The following ASH1L variants were observed in gnomAD, a reference collection of about 807,000 sequenced individuals.
The protein encoded by ASH1L is ASH1 like histone lysine methyltransferase.
In ASH1L, 23 loss-of-function variants were observed where a neutral mutation model predicts 269.0. The ratio of observed to expected loss-of-function variants is 0.09; its 90% CI spans 0.06 to 0.12. ASH1L has a LOEUF of 0.12. Among genes scored for constraint, ASH1L ranks in the 10% least tolerant of loss-of-function variants. The pLI is 1.00. For missense variants in ASH1L, 2,912 were observed against 3,567.8 expected (o/e 0.82, Z 4.68); for synonymous variants, 1,187 against 1,253.5 (o/e 0.95, Z 1.12).
At chr1:155,414,331 A>T (rs1263932086) in intron 6 of ASH1L, among the ~76,000 whole-genome samples, 1 of 151,600 alleles carries the variant, frequency 6.6e-6, no homozygotes, top group Non-Finnish European at 1.5e-5. Flanking sequence ...TTTTTTTGAG[A>T]TGGAGTTTCG....
chr1:155,400,329 CAAA>C (rs746649436), intron 6 of ASH1L, among the ~76,000 whole-genome samples: 1 of 105,182 alleles, frequency 9.5e-6, no homozygotes. Context: ...GAGACTGTCT[CAAA>C]AAAAAAAAAA....
intron 4 of ASH1L, among the ~76,000 whole-genome samples, chr1:155,442,257 C>T (rs1376287973): frequency 6.6e-6 from 1 of 151,934 alleles, no homozygotes; most frequent in Non-Finnish European, 1.5e-5. Flanking sequence ...CATCCTCCAA[C>T]TCATTCTTTA....
intron 5 of ASH1L, among the ~76,000 whole-genome samples, chr1:155,419,011 G>C (rs906864928): frequency 6.6e-6 from 1 of 152,070 alleles, no homozygotes; most frequent in Non-Finnish European, 1.5e-5. Flanking sequence ...CTTGCAGTGA[G>C]CTGAGATCGC....
At chr1:155,374,597 T>C (rs1222636097) in intron 10 of ASH1L, among the ~76,000 whole-genome samples, 1 of 152,198 alleles carries the variant, frequency 6.6e-6, no homozygotes, top group Non-Finnish European at 1.5e-5. Context: ...GCTGACTTCT[T>C]TGGTACATGA....
intron 25 of ASH1L, among the ~76,000 whole-genome samples, chr1:155,339,843 T>C (rs1477440799): frequency 6.6e-6 from 1 of 152,122 alleles, no homozygotes; most frequent in Non-Finnish European, 1.5e-5. Context: ...CCATGGTAAG[T>C]ATTGTGTATC....
At position 155,346,451 on chromosome 1, in the gene ASH1L, A is replaced by G; in HGVS notation, c.7822T>C (p.Cys2608Arg). Residue 2608 changes from cysteine to arginine, a missense_variant, in exon 21 of 28, where the codon TGT becomes CGT. Around this residue, in one of 13 missense-constraint regions of ASH1L, gnomAD observed 179 missense variants for 293.8 expected, o/e 0.61. Transcript: ENST00000392403. ...TCCACATCTGAGTTCACTCCCATAC[A>G]ATCACAGTGCTGCCATACCTGTAGA... ...DKCMVWQHCD[C>R]MGVNSDVEHY... The G allele has an allele frequency of 6.2e-7, 1 of 1,613,998 alleles. No individual in the cohort carries two copies. The highest frequency in any genetic ancestry group is 8.5e-7 in the Non-Finnish European group (1 of 1,179,918).
intron 6 of ASH1L, among the ~76,000 whole-genome samples, chr1:155,406,059 A>G (rs1659258444): frequency 1.3e-5 from 2 of 151,664 alleles, no homozygotes; most frequent in South Asian, 4.2e-4. Context: ...CAAAAAGTAG[A>G]TGGGCATGGT....
In ASH1L at chr1:155,357,663, G is replaced by A. The variant is rs1654537672; in HGVS notation, c.6882C>T (p.Asn2294=). Residue 2294 remains asparagine (N), a synonymous_variant, in exon 14 of 28, where the codon AAC becomes AAT. Coordinates refer to ENST00000392403, the MANE Select transcript of ASH1L (RefSeq NM_018489.3). Reference sequence around the variant, plus strand: ...TTTTGTGTGTGGCCATGGGCTGGCTGTTTTTGCTGCTGGTGAGTCCATTCA... The same window carrying A: ...TTTTGTGTGTGGCCATGGGCTGGCTATTTTTGCTGCTGGTGAGTCCATTCA... ...QRVNGLTSSK[N]SQPMATHKKS... 2 of 1,614,150 alleles carry A rather than the reference G, an allele frequency of 1.2e-6. No individual in the cohort carries two copies. Among genetic ancestry groups the A allele is most frequent in the East Asian group, 4.5e-5 (2 of 44,884 alleles).
At chr1:155,496,999 C>A (rs965894992) in intron 2 of ASH1L, among the ~76,000 whole-genome samples, 1 of 152,112 alleles carries the variant, frequency 6.6e-6, no homozygotes, top group Non-Finnish European at 1.5e-5. Flanking sequence ...CAGTCCACCA[C>A]AACCACAATA....
chr1:155,467,708 T>C (rs1664791760), intron 3 of ASH1L, among the ~76,000 whole-genome samples: 1 of 152,138 alleles, frequency 6.6e-6, no homozygotes, highest in Admixed American at 6.6e-5. Context: ...ATCAACATGA[T>C]TTATCAAATA....
At chr1:155,540,244 T>C (rs548031915) in intron 1 of ASH1L, among the ~76,000 whole-genome samples, 17 of 152,322 alleles carry the variant, frequency 1.1e-4, no homozygotes, top group Admixed American at 9.8e-4. Context: ...TCTCAGAAGC[T>C]AGTCCTGCTA....
intron 2 of ASH1L, among the ~76,000 whole-genome samples, chr1:155,487,345 A>G (rs938453541): frequency 6.6e-6 from 1 of 152,084 alleles, no homozygotes; most frequent in Non-Finnish European, 1.5e-5. Flanking sequence ...AAGAAGCCCA[A>G]GGGGTTCTTA....
Position 155,449,356 on chromosome 1 carries a change from A to G in ASH1L, c.5087-10288T>C, listed in dbSNP as rs185955242. On this transcript the variant is annotated intron_variant, in intron 4 of 27. Coordinates refer to ENST00000392403, the MANE Select transcript of ASH1L (RefSeq NM_018489.3). ...AATTTCCACATATTTAGAGAATTTC[A>G]TAACTTGTGTTACTGAATTCTAATT... Among the ~76,000 whole-genome samples the G allele has an allele frequency of 3.3e-3, 507 of 152,306 alleles. 2 individuals are homozygous for G. Among genetic ancestry groups the G allele is most frequent in the African/African-American group, 0.012 (489 of 41,562 alleles).
intron 1 of ASH1L, among the ~76,000 whole-genome samples, chr1:155,534,213 G>T (rs1414884009): frequency 6.7e-6 from 1 of 150,236 alleles, no homozygotes; most frequent in Non-Finnish European, 1.5e-5. Flanking sequence ...TCACAAAGAA[G>T]GTATTAAAGG....
intron 12 of ASH1L, among the ~76,000 whole-genome samples, chr1:155,367,361 A>C (rs577211097): frequency 5.9e-5 from 9 of 152,340 alleles, no homozygotes; most frequent in Middle Eastern, 3.4e-3. Context: ...TCAATACATT[A>C]ATTTTTATAT....
chr1:155,357,601 T>G lies in ASH1L; in HGVS notation c.6944A>C (p.His2315Pro). The G allele has an allele frequency of 6.2e-7, 1 of 1,614,076 alleles. No individual in the cohort carries two copies. Among genetic ancestry groups the G allele is most frequent in the African/African-American group, 1.3e-5 (1 of 75,028 alleles). Residue 2315 changes from histidine (H) to proline (P), a missense_variant, in exon 14 of 28, where the codon CAC (histidine) becomes CCC (proline). By Grantham distance (77) the His-to-Pro change is moderately conservative (BLOSUM62 -2). Transcript: ENST00000392403. Reference sequence around the variant, plus strand: ...ATTATTCACCCTTTTCTTCAGCTTGTGCTTAGACTTTCTCTTCTCTTTTGA... The same window carrying G: ...ATTATTCACCCTTTTCTTCAGCTTGGGCTTAGACTTTCTCTTCTCTTTTGA... ...GRSKEKRKSK[H>P]KLKKRRGHLS...
In ASH1L at chr1:155,337,348, G is replaced by C. The variant is rs931963094; in HGVS notation, c.*312C>G. On this transcript the variant is annotated 3_prime_UTR_variant, in exon 28 of 28. Coordinates refer to ENST00000392403, the MANE Select transcript of ASH1L (RefSeq NM_018489.3). ...GGATGACAGAAAAACCTAAGCTGTGGGGTGGGGCAAATGCTATAAAGTACC... is the reference window on the plus strand; with the variant it reads ...GGATGACAGAAAAACCTAAGCTGTGCGGTGGGGCAAATGCTATAAAGTACC... 5.9e-5 allele frequency: 12 copies of C among 201,910 alleles called. No individual in the cohort carries two copies. Among genetic ancestry groups the C allele is most frequent in the Non-Finnish European group, 1.2e-4 (12 of 98,936 alleles). 12.5% of individuals were successfully genotyped at this position (201,910 alleles called of 1,614,324 possible).
At chr1:155,425,517 C>T (rs1661078140) in intron 5 of ASH1L, among the ~76,000 whole-genome samples, 1 of 151,332 alleles carries the variant, frequency 6.6e-6, no homozygotes, top group South Asian at 2.1e-4. Context: ...TGGCTCACTG[C>T]AATCTCTGCC....
At chr1:155,451,832 T>G (rs945180051) in intron 4 of ASH1L, among the ~76,000 whole-genome samples, 2 of 152,158 alleles carry the variant, frequency 1.3e-5, no homozygotes, top group African/African-American at 4.8e-5. Context: ...ACGATTCTCT[T>G]GCCTCAGCCT....
Sources: gnomAD v4.1 joint callset for allele counts (sites outside exome capture counted in the v4.1 genomes callset) on GRCh38, gnomAD v4.1.1 for gene constraint, gnomAD v4.1.1 regional missense constraint, MANE v1.5 for transcripts, NCBI Gene and HGNC (gene_info 2026-07-23, HGNC 2026-07-21) for gene names.